Variants in LRRTM4 observed in about 807,000 individuals in gnomAD.
LRRTM4 encodes the protein leucine rich repeat transmembrane neuronal 4.
A neutral mutation model predicts 47.6 loss-of-function variants in LRRTM4; 25 were observed. That is an observed-to-expected ratio of 0.53 (90% CI 0.38 to 0.73). The LOEUF (loss-of-function observed/expected upper bound fraction) is 0.73, where lower values mean the gene tolerates loss of function less well. Among genes scored for constraint, LRRTM4 ranks in the 30% least tolerant of loss-of-function variants. The pLI, the probability that LRRTM4 is intolerant of heterozygous loss-of-function variation, is 0.00. For missense variants in LRRTM4, 638 were observed against 713.4 expected, an observed-to-expected ratio of 0.89 and a Z score of 1.20; for synonymous variants, 311 against 269.5, an observed-to-expected ratio of 1.15 and a Z score of -1.51.
intron 3 of LRRTM4, among the ~76,000 whole-genome samples, chr2:77,122,754 T>A (rs1671552773): frequency 6.6e-6 from 1 of 151,666 alleles, no homozygotes; most frequent in Non-Finnish European, 1.5e-5. Flanking sequence ...ATCATGCAAA[T>A]AAAAAGCTTC....
intron 3 of LRRTM4, among the ~76,000 whole-genome samples, chr2:76,892,459 G>A (rs1396601130): frequency 2.6e-5 from 4 of 151,552 alleles, no homozygotes; most frequent in Non-Finnish European, 5.9e-5. Context: ...ATAGCTTCTG[G>A]AACAGATTTT....
chr2:77,472,083 T>C (rs1044372700), intron 3 of LRRTM4, among the ~76,000 whole-genome samples: 3 of 152,170 alleles, frequency 2.0e-5, no homozygotes, highest in African/African-American at 7.2e-5. Context: ...TTTAAACCAG[T>C]GTCCTCTTTG....
At chr2:76,904,724 C>T (rs1018528051) in intron 3 of LRRTM4, among the ~76,000 whole-genome samples, 1 of 152,110 alleles carries the variant, frequency 6.6e-6, no homozygotes, top group Non-Finnish European at 1.5e-5. Flanking sequence ...CTCCATACAC[C>T]ACCGTCAAGT....
At chr2:77,481,834 A>G (rs1677714195) in intron 3 of LRRTM4, among the ~76,000 whole-genome samples, 2 of 151,776 alleles carry the variant, frequency 1.3e-5, no homozygotes, top group South Asian at 4.1e-4. Flanking sequence ...CTTATTTCAC[A>G]TTACTACAGA....
chr2:77,384,694 ATC>A (rs1225316371), intron 3 of LRRTM4, among the ~76,000 whole-genome samples: 2 of 152,078 alleles, frequency 1.3e-5, no homozygotes, highest in African/African-American at 4.8e-5. Context: ...ATCTCTTTGT[ATC>A]TCTCTCTGGC....
intron 3 of LRRTM4, among the ~76,000 whole-genome samples, chr2:76,912,355 T>G (rs1475504222): frequency 6.6e-6 from 1 of 152,210 alleles, no homozygotes; most frequent in African/African-American, 2.4e-5. Context: ...AATATTCCAT[T>G]TTAGGATATG....
chr2:77,221,294 C>G (rs1370205771), intron 3 of LRRTM4, among the ~76,000 whole-genome samples: 1 of 152,170 alleles, frequency 6.6e-6, no homozygotes, highest in Non-Finnish European at 1.5e-5. Flanking sequence ...GAAACTGCAT[C>G]AACTAACGAG....
At chr2:76,957,945 T>C in intron 3 of LRRTM4, among the ~76,000 whole-genome samples, 1 of 151,620 alleles carries the variant, frequency 6.6e-6, no homozygotes, top group African/African-American at 2.4e-5. Flanking sequence ...TGTGTGTATA[T>C]ATATTTATAT....
chr2:77,322,573 A>T (rs1265767532), intron 3 of LRRTM4, among the ~76,000 whole-genome samples: 1 of 151,988 alleles, frequency 6.6e-6, no homozygotes, highest in East Asian at 1.9e-4. Flanking sequence ...TTTGTAGTCA[A>T]TGATAAAAAC....
rs568914760 is a variant in LRRTM4, at chr2:76,926,861, A to G, written c.1552-177945T>C. On this transcript the variant is annotated intron_variant, in intron 3 of 3. Coordinates refer to ENST00000409884, the MANE Select transcript of LRRTM4 (RefSeq NM_001134745.3). ...AAACGAACTAAGACTGTCTGCATGT[A>G]CATACTATTCCTTACACTAAAGTTC... is the stretch of plus-strand genomic sequence containing the variant. Among the ~76,000 whole-genome samples the G allele has an allele frequency of 5.2e-4, 79 of 152,264 alleles. No individual in the cohort carries two copies. The South Asian group carries it at 0.016, about 32-fold the overall frequency.
At chr2:76,947,315 A>C (rs923472034) in intron 3 of LRRTM4, among the ~76,000 whole-genome samples, 1 of 151,868 alleles carries the variant, frequency 6.6e-6, no homozygotes, top group African/African-American at 2.4e-5. Context: ...CTTCATTTTA[A>C]GATGAGAGAG....
intron 3 of LRRTM4, among the ~76,000 whole-genome samples, chr2:77,203,038 T>C (rs1479074315): frequency 2.0e-5 from 3 of 152,046 alleles, no homozygotes; most frequent in African/African-American, 7.2e-5. Flanking sequence ...ATTATGTGAA[T>C]TTGATAATTT....
At chr2:76,964,740 G>A (rs1675967968) in intron 3 of LRRTM4, among the ~76,000 whole-genome samples, 1 of 149,116 alleles carries the variant, frequency 6.7e-6, no homozygotes, top group South Asian at 2.1e-4. Flanking sequence ...ATTAAAACTG[G>A]AAAAGAAATC....
At chr2:77,288,722 C>T (rs997340279) in intron 3 of LRRTM4, among the ~76,000 whole-genome samples, 2 of 151,960 alleles carry the variant, frequency 1.3e-5, no homozygotes, top group African/African-American at 4.8e-5. Flanking sequence ...TTGAATAATA[C>T]CTATGTAATG....
At chr2:77,362,173 GGA>G (rs1491455347) in intron 3 of LRRTM4, among the ~76,000 whole-genome samples, 5 of 151,300 alleles carry the variant, frequency 3.3e-5, no homozygotes, top group African/African-American at 9.7e-5. Flanking sequence ...AAGAAAGAAA[GGA>G]AGGAAGGAAG....
At chr2:77,163,284 A>G (rs1010065107) in intron 3 of LRRTM4, among the ~76,000 whole-genome samples, 1 of 152,188 alleles carries the variant, frequency 6.6e-6, no homozygotes, top group Non-Finnish European at 1.5e-5. Context: ...GAGAAAAAAG[A>G]GTAAGAAAAA....
intron 3 of LRRTM4, among the ~76,000 whole-genome samples, chr2:76,862,591 A>G (rs1473614401): frequency 4.6e-5 from 7 of 152,252 alleles, no homozygotes; most frequent in African/African-American, 1.7e-4. Flanking sequence ...AAAGAAAAAG[A>G]AGGTTGCGCT....
intron 3 of LRRTM4, among the ~76,000 whole-genome samples, chr2:76,788,423 A>G (rs958769858): frequency 1.3e-5 from 2 of 152,174 alleles, no homozygotes; most frequent in African/African-American, 2.4e-5. Flanking sequence ...CTTTTACTCA[A>G]TCAGAACAAA....
chr2:77,074,478 A>T (rs1283278848), intron 3 of LRRTM4, among the ~76,000 whole-genome samples: 1 of 152,060 alleles, frequency 6.6e-6, no homozygotes, highest in Non-Finnish European at 1.5e-5. Context: ...AATTATAAAA[A>T]ACTGAAGGCT....
Sources: gnomAD v4.1 joint callset for allele counts (sites outside exome capture counted in the v4.1 genomes callset) on GRCh38, gnomAD v4.1.1 for gene constraint, MANE v1.5 for transcripts, NCBI Gene and HGNC (gene_info 2026-07-23, HGNC 2026-07-21) for gene names.